BTBD2: variants seen among roughly 807,000 people sequenced by gnomAD.
BTBD2 encodes the protein BTB domain containing 2, also known as BTB/POZ domain-containing protein 2.
In BTBD2, 15 loss-of-function variants were observed where a neutral mutation model predicts 44.0. That is an observed-to-expected ratio of 0.34 (90% CI 0.23 to 0.53). The LOEUF (loss-of-function observed/expected upper bound fraction) is 0.53, where lower values mean the gene tolerates loss of function less well. Ranked by LOEUF, BTBD2 falls within the 20% of genes least tolerant of loss-of-function variation. The probability of loss-of-function intolerance (pLI) is 0.95; values close to 1 mark genes in which losing one functional copy is unlikely to be tolerated. For synonymous variants in BTBD2, 443 were observed against 335.9 expected, an observed-to-expected ratio of 1.32 and a Z score of -3.49; for missense variants, 657 against 746.4, an observed-to-expected ratio of 0.88 and a Z score of 1.39.
intron 1 of BTBD2, among the ~76,000 whole-genome samples, chr19:2,011,085 C>T (rs1485667923): frequency 6.6e-6 from 1 of 152,086 alleles, no homozygotes; most frequent in African/African-American, 2.4e-5. Flanking sequence ...TTGGGACACA[C>T]TGCTCTGCGG....
intron 1 of BTBD2, among the ~76,000 whole-genome samples, chr19:2,013,203 G>A (rs1302048611): frequency 1.3e-5 from 2 of 152,140 alleles, no homozygotes; most frequent in Non-Finnish European, 2.9e-5. Flanking sequence ...AGCACCCGAA[G>A]GTCAGAAGGG....
Position 1,987,684 on chromosome 19 carries a change from G to C in BTBD2, c.997C>G (p.Gln333Glu), listed in dbSNP as rs953228165. 2 of 1,597,718 alleles carry C rather than the reference G, an allele frequency of 1.3e-6. No homozygotes were observed. The highest frequency in any genetic ancestry group is 1.7e-6 in the Non-Finnish European group (2 of 1,170,634). ...TCGCGGTCCACCAGGATGCCCGACT[G>C]TGCGGGACCTGCAGCACAGGGAGGG... Reference protein sequence around the residue: ...TIEEFAAGPAQSGILVDREVV... With the variant: ...TIEEFAAGPAESGILVDREVV... The change falls in exon 6 of 9, where the codon CAG becomes GAG. Residue 333 changes from glutamine to glutamate, a missense_variant. This residue lies in a region of BTBD2 where 449 missense variants were observed against 510.9 expected (regional missense o/e 0.88). Coordinates refer to ENST00000255608, the MANE Select transcript of BTBD2 (RefSeq NM_017797.4).
chr19:2,004,605 TAA>T (rs2016371382), intron 1 of BTBD2, among the ~76,000 whole-genome samples: 1 of 150,216 alleles, frequency 6.7e-6, no homozygotes, highest in Admixed American at 6.6e-5. Context: ...CCAGGCAAAA[TAA>T]ACTTTCTAAA....
At chr19:2,001,184 T>C (rs2016325529) in intron 1 of BTBD2, among the ~76,000 whole-genome samples, 1 of 151,698 alleles carries the variant, frequency 6.6e-6, no homozygotes, top group African/African-American at 2.4e-5. Flanking sequence ...CTCAGGAGGC[T>C]GAGGCAGGAG....
rs368537033 is a variant in BTBD2 at position 1,990,068 on chromosome 19, C to A, written c.924G>T (p.Lys308Asn). Residue 308 changes from lysine to asparagine, a missense_variant, in exon 5 of 9, where the codon AAG becomes AAT. Lys to Asn is a moderately conservative substitution (Grantham distance 94). Transcript: ENST00000255608. ...QLQVTPENRR[K>N]VLGKALGLIR... The stretch of plus-strand genomic sequence containing the variant: ...TGAGGCCCAGGGCCTTGCCCAGAAC[C>A]TTCCGCCTGTTCTCTGGCGTCACCT... The A allele has an allele frequency of 1.9e-6, 3 of 1,613,382 alleles. No individual in the cohort carries two copies. Among genetic ancestry groups the A allele is most frequent in the Non-Finnish European group, 2.5e-6 (3 of 1,180,042 alleles).
At chr19:2,009,104 C>T (rs34103407) in intron 1 of BTBD2, among the ~76,000 whole-genome samples, 70,818 of 151,184 alleles carry the variant, frequency 0.47, 17,723 homozygotes, top group East Asian at 0.69. Flanking sequence ...CTGCAACCTC[C>T]GCCTCCCAGG....
At chr19:2,010,188 T>C (rs760779846) in intron 1 of BTBD2, among the ~76,000 whole-genome samples, 1 of 152,194 alleles carries the variant, frequency 6.6e-6, no homozygotes, top group Non-Finnish European at 1.5e-5. Context: ...ACTAACTTCA[T>C]GGGACCAGCC....
chr19:2,004,212 C>G (rs993715574), intron 1 of BTBD2, among the ~76,000 whole-genome samples: 1 of 152,026 alleles, frequency 6.6e-6, no homozygotes, highest in Non-Finnish European at 1.5e-5. Flanking sequence ...CTGTGCCCCA[C>G]CCACCCTGGG....
rs34228593 is a variant in BTBD2 at position 2,008,589 on chromosome 19, C to CTTTTTTTTTT, written c.407+6698_407+6707dup. ...TACAGGCGTGAGCCACTGTGCCCAG[C>CTTTTTTTTTT]TTTTTTTTTTTTTTTTTTTAGGGAC... On this transcript the variant is annotated intron_variant, in intron 1 of 8. Coordinates refer to ENST00000255608, the MANE Select transcript of BTBD2 (RefSeq NM_017797.4). Among the ~76,000 whole-genome samples the CTTTTTTTTTT allele has an allele frequency of 8.1e-3, 1,020 of 126,462 alleles. 45 individuals carry two copies. Among genetic ancestry groups the CTTTTTTTTTT allele is most frequent in the African/African-American group, 0.031 (980 of 31,948 alleles). The allele number at this position is 126,462 out of a possible 152,430, so 83.0% of individuals were successfully genotyped here.
rs1371168059 is a variant in BTBD2, at chr19:2,015,623, C to G, written c.81G>C (p.Gly27=). The G allele has an allele frequency of 1.6e-5, 16 of 977,682 alleles. No homozygotes were observed. Among genetic ancestry groups the G allele is most frequent in the Middle Eastern group, 5.1e-4 (1 of 1,958 alleles). The allele number at this position is 977,682 out of a possible 1,614,324, so 60.6% of individuals were successfully genotyped here. A position where few individuals can be genotyped will look rare whatever the true frequency, so the allele number is the denominator to read the frequency against. The stretch of plus-strand genomic sequence containing the variant: ...GGGTGGCGGCGGCGTTGGCGCTGGG[C>G]CCGGGACTGCCCCCCGTGCCCGGGC... ...GVGPGTGGSP[G]PSANAAATPA... The change falls in exon 1 of 9, where the codon GGG becomes GGC. Residue 27 remains glycine, a synonymous_variant. Transcript: ENST00000255608.
intron 1 of BTBD2, among the ~76,000 whole-genome samples, chr19:2,006,721 T>C (rs929639546): frequency 2.6e-5 from 4 of 151,778 alleles, no homozygotes; most frequent in African/African-American, 4.8e-5. Context: ...GGAGTTTCAC[T>C]CTTGTTGACC....
rs2145614022 is a variant in BTBD2, at chr19:1,986,539, A to G, written c.1527T>C (p.Asn509=). The G allele has an allele frequency of 6.2e-7, 1 of 1,613,986 alleles. No homozygotes were observed. The highest frequency in any genetic ancestry group is 1.1e-5 in the South Asian group (1 of 91,090). ...FTFCYAAGNN[N]GTSVEDGQIP... ...TCTGGCCGTCCTCCACGGATGTGCC[A>G]TTGTTGTTCCCGGCCGCGTAGCAAA... The change falls in exon 9 of 9, where the codon AAT becomes AAC. Residue 509 remains asparagine, a synonymous_variant. Coordinates refer to ENST00000255608, the MANE Select transcript of BTBD2 (RefSeq NM_017797.4).
chr19:2,006,939 C>T (rs1014686282), intron 1 of BTBD2, among the ~76,000 whole-genome samples: 20 of 152,246 alleles, frequency 1.3e-4, no homozygotes, highest in Admixed American at 4.6e-4. Flanking sequence ...CTCGCTGCAA[C>T]CTCTGCTGCC....
intron 1 of BTBD2, among the ~76,000 whole-genome samples, chr19:2,005,653 G>C (rs2016385803): frequency 6.6e-6 from 1 of 151,734 alleles, no homozygotes; most frequent in African/African-American, 2.4e-5. Context: ...GCAGTGGCCG[G>C]AGCCTGTAAT....
chr19:2,015,334 C>A lies in BTBD2; in HGVS notation c.370G>T (p.Gly124Cys). The change falls in exon 1 of 9, where the codon GGC (glycine) becomes TGC (cysteine). Residue 124 changes from glycine to cysteine, a missense_variant. Coordinates refer to ENST00000255608, the MANE Select transcript of BTBD2 (RefSeq NM_017797.4). ...EVLCDVHFLV[G>C]KGLSSQRIPA... ...ATGCGCTGCGAGCTGAGCCCCTTGC[C>A]CACCAGGAAGTGCACGTCGCACAGC... 1 of 1,581,270 alleles carries A rather than the reference C, an allele frequency of 6.3e-7. No homozygotes were observed. Among genetic ancestry groups the A allele is most frequent in the Non-Finnish European group, 8.5e-7 (1 of 1,171,236 alleles).
intron 3 of BTBD2, chr19:1,991,247 G>C (rs1399507013): frequency 5.8e-6 from 1 of 173,636 alleles, no homozygotes; most frequent in African/African-American, 2.4e-5. Context: ...TGTGGTGGGA[G>C]GGGCCGTGTC....
intron 2 of BTBD2, among the ~76,000 whole-genome samples, chr19:1,993,702 A>G (rs2016212238): frequency 6.6e-6 from 1 of 152,142 alleles, no homozygotes; most frequent in Admixed American, 6.6e-5. Context: ...GCCGATCAAA[A>G]ATAGAAGCAC....
intron 1 of BTBD2, among the ~76,000 whole-genome samples, chr19:2,008,187 A>G (rs1238095913): frequency 6.6e-6 from 1 of 151,946 alleles, no homozygotes; most frequent in Non-Finnish European, 1.5e-5. Context: ...TATTTTTAGT[A>G]GAGACAAGGT....
Position 1,986,342 on chromosome 19 carries a change from G to C in BTBD2, c.*146C>G, listed in dbSNP as rs1404792707. 4.8e-6 allele frequency: 5 copies of C among 1,048,782 alleles called. No homozygotes were observed. Among genetic ancestry groups the C allele is most frequent in the African/African-American group, 3.1e-5 (2 of 63,608 alleles). The allele number at this position is 1,048,782 out of a possible 1,614,324, so 65.0% of individuals were successfully genotyped here. ...GGTGAACACAGGGCAACCCCGTCCT[G>C]ATGCTGAGAAAGGTGGCATGGAGTG... On this transcript the variant is annotated 3_prime_UTR_variant, in exon 9 of 9. Coordinates refer to ENST00000255608, the MANE Select transcript of BTBD2 (RefSeq NM_017797.4).
Sources: allele counts gnomAD v4.1 joint callset (sites outside exome capture counted in the v4.1 genomes callset), GRCh38; gene constraint gnomAD v4.1.1; regional missense constraint gnomAD v4.1.1; transcripts MANE v1.5; gene names NCBI Gene and HGNC (gene_info 2026-07-23, HGNC 2026-07-21).